CFAP20DC: variants seen among roughly 807,000 people sequenced by gnomAD.
CFAP20DC encodes protein CFAP20DC.
A neutral mutation model predicts 101.7 loss-of-function variants in CFAP20DC; 84 were observed. The observed-to-expected ratio is 0.83, with a 90% CI of 0.69 to 0.99. CFAP20DC has a LOEUF of 0.99. Among genes scored for constraint, CFAP20DC ranks in the 50% least tolerant of loss-of-function variants. The pLI is 0.00. For synonymous variants in CFAP20DC, 359 were observed against 351.2 expected (o/e 1.02, Z -0.25); for missense variants, 1,007 against 970.3 (o/e 1.04, Z -0.50).
At chr3:58,905,317 T>G (rs1398303797) in intron 6 of CFAP20DC, among the ~76,000 whole-genome samples, 1 of 152,226 alleles carries the variant, frequency 6.6e-6, no homozygotes, top group Non-Finnish European at 1.5e-5. Context: ...GTTTTTCTCC[T>G]CTTTCTCTTA....
chr3:58,747,245 C>G (rs936925468), intron 16 of CFAP20DC, among the ~76,000 whole-genome samples: 1 of 152,132 alleles, frequency 6.6e-6, no homozygotes, highest in Non-Finnish European at 1.5e-5. Context: ...TCAGCCTCAT[C>G]CACTCTGAAA....
At chr3:58,992,346 G>A (rs1445082341) in intron 4 of CFAP20DC, among the ~76,000 whole-genome samples, 1 of 152,192 alleles carries the variant, frequency 6.6e-6, no homozygotes, top group East Asian at 1.9e-4. Flanking sequence ...CCAAGTATGT[G>A]ATCACTGGGC....
intron 4 of CFAP20DC, among the ~76,000 whole-genome samples, chr3:58,938,028 C>A (rs756647442): frequency 6.6e-6 from 1 of 152,184 alleles, no homozygotes; most frequent in Non-Finnish European, 1.5e-5. Flanking sequence ...GTCCTCCAGC[C>A]TATGAAAGAA....
chr3:58,790,615 G>A (rs1239726617), intron 15 of CFAP20DC, among the ~76,000 whole-genome samples: 2 of 152,150 alleles, frequency 1.3e-5, no homozygotes, highest in Non-Finnish European at 2.9e-5. Context: ...GAGAAAGATG[G>A]TGATTTTTTA....
rs1236095550 is a variant in CFAP20DC at position 58,821,529 on chromosome 3, A to G, written c.2175+10157T>C. On this transcript the variant is annotated intron_variant, in intron 14 of 16. Transcript: ENST00000482387. ...CAAAAGAAGACATTTATGCAGCCAA[A>G]AAACACATGAAAAAATGCTCATCAT... Among the ~76,000 whole-genome samples the G allele has an allele frequency of 6.3e-4, 95 of 151,538 alleles. 2 individuals are homozygous for G. The East Asian group carries it at 9.0e-3, about 14-fold the overall frequency.
At chr3:58,946,832 T>C (rs576484547) in intron 4 of CFAP20DC, among the ~76,000 whole-genome samples, 2 of 152,174 alleles carry the variant, frequency 1.3e-5, no homozygotes, top group Non-Finnish European at 2.9e-5. Context: ...TATAAATAGT[T>C]AGAAGAGGAT....
At position 58,901,053 on chromosome 3, in the gene CFAP20DC, T is replaced by C. The variant is rs574725203; in HGVS notation, c.550+12655A>G. Among the ~76,000 whole-genome samples, 3 of 152,302 alleles carry C rather than the reference T, an allele frequency of 2.0e-5. No homozygotes were observed. The South Asian group carries it at 6.2e-4, about 32-fold the overall frequency. On this transcript the variant is annotated intron_variant, in intron 6 of 16. Coordinates refer to ENST00000482387, the MANE Select transcript of CFAP20DC (RefSeq NM_001394063.1). ...AATATAGTTTAAATAATGACTAATT[T>C]TGTAATAGTTTGCTGGTCTCAGACT...
chr3:59,035,126 T>C (rs2094072892), intron 4 of CFAP20DC, among the ~76,000 whole-genome samples: 1 of 152,008 alleles, frequency 6.6e-6, no homozygotes, highest in South Asian at 2.1e-4. Context: ...CAGAAATAAA[T>C]AAGTTCTTTG....
At position 58,724,790 on chromosome 3, in the gene CFAP20DC, C is replaced by T. The variant is rs1197809258; in HGVS notation, c.198-7162G>A. On this transcript the variant is annotated intron_variant, in intron 3 of 3. Coordinates refer to the CFAP20DC transcript ENST00000486145. This position sits in a 1 kb window ranked among gnomAD's most constrained non-coding sequence, Gnocchi z 5.6. ...TCTCTTCTCAATCCTTTGTCGCCAC[C>T]GGACTTCGGGTACCCTACGGGTGGG... 2.0e-5 allele frequency among the ~76,000 whole-genome samples: 3 copies of T among 152,122 alleles called. No individual in the cohort carries two copies. The highest frequency in any genetic ancestry group is 2.9e-5 in the Non-Finnish European group (2 of 68,022).
intron 4 of CFAP20DC, among the ~76,000 whole-genome samples, chr3:58,943,716 G>A (rs2088953235): frequency 6.6e-6 from 1 of 152,178 alleles, no homozygotes; most frequent in Non-Finnish European, 1.5e-5. Context: ...ACTGGACAGA[G>A]AATGAGTTTG....
At chr3:58,956,811 C>T (rs1385446918) in intron 4 of CFAP20DC, among the ~76,000 whole-genome samples, 1 of 152,312 alleles carries the variant, frequency 6.6e-6, no homozygotes, top group South Asian at 2.1e-4. Flanking sequence ...GAAGCAGACA[C>T]ATTCTTCTTC....
intron 4 of CFAP20DC, among the ~76,000 whole-genome samples, chr3:58,961,747 G>T (rs1382172835): frequency 6.6e-6 from 1 of 151,268 alleles, no homozygotes; most frequent in African/African-American, 2.4e-5. Context: ...TCTTGATTCA[G>T]TTGTGATAAG....
chr3:58,972,002 A>C (rs2091978317), intron 4 of CFAP20DC, among the ~76,000 whole-genome samples: 1 of 152,152 alleles, frequency 6.6e-6, no homozygotes, highest in South Asian at 2.1e-4. Flanking sequence ...TCTGTATGCA[A>C]TTTTAAAATG....
chr3:58,759,161 A>G (rs901374632), intron 15 of CFAP20DC, among the ~76,000 whole-genome samples: 4 of 151,924 alleles, frequency 2.6e-5, no homozygotes, highest in African/African-American at 9.7e-5. Context: ...CCAACAGTGT[A>G]AAAGTGTTCC....
At chr3:58,944,575 C>CTA (rs1559872369) in intron 4 of CFAP20DC, among the ~76,000 whole-genome samples, 26 of 152,170 alleles carry the variant, frequency 1.7e-4, no homozygotes, top group African/African-American at 5.1e-4. Flanking sequence ...GTATAGACAT[C>CTA]GTGCTAAGTG....
At chr3:58,862,813 A>G (rs2079360421) in intron 12 of CFAP20DC, 3 of 985,010 alleles carry the variant, frequency 3.0e-6, no homozygotes, top group Non-Finnish European at 3.6e-6. Flanking sequence ...TCCAGAAAGT[A>G]TGAATGACCA....
At chr3:58,855,535 C>G (rs1383178848) in intron 12 of CFAP20DC, among the ~76,000 whole-genome samples, 1 of 151,986 alleles carries the variant, frequency 6.6e-6, no homozygotes, top group Admixed American at 6.6e-5. Context: ...GACACGTGCA[C>G]ACATGTTTAT....
chr3:58,912,586 C>A lies in CFAP20DC; in HGVS notation c.550+1122G>T. ...ATCACCTTTGACATCTTATATGCAG[C>A]CCTGCTTCCTGGACTTCTAGAAGAA... On this transcript the variant is annotated intron_variant, in intron 6 of 16. Transcript: ENST00000482387. The surrounding 1 kb of genome is among the most constrained non-coding windows in gnomAD (Gnocchi z 4.4). 2.6e-6 allele frequency: 1 copy of A among 381,132 alleles called. No individual in the cohort carries two copies. Among genetic ancestry groups the A allele is most frequent in the Non-Finnish European group, 5.1e-6 (1 of 195,304 alleles). 23.6% of individuals were successfully genotyped at this position (381,132 alleles called of 1,614,324 possible).
At chr3:58,763,703 C>A (rs575820911) in intron 15 of CFAP20DC, among the ~76,000 whole-genome samples, 1 of 152,188 alleles carries the variant, frequency 6.6e-6, no homozygotes, top group African/African-American at 2.4e-5. Flanking sequence ...TGGTGATGTA[C>A]AGATGAGGTT....
Sources: gnomAD v4.1 joint callset for allele counts (sites outside exome capture counted in the v4.1 genomes callset) on GRCh38, gnomAD v4.1.1 for gene constraint, Gnocchi (gnomAD v3.1) non-coding constraint, MANE v1.5 for transcripts, NCBI Gene and HGNC (gene_info 2026-07-23, HGNC 2026-07-21) for gene names.